Variants in NBEAL2 observed in about 807,000 individuals in gnomAD.
NBEAL2 encodes neurobeachin like 2, also known as neurobeachin-like protein 2.
Under a neutral mutation model 299.8 loss-of-function variants are expected in NBEAL2, and 160 were observed. That is an observed-to-expected ratio of 0.53 (90% CI 0.47 to 0.61). The LOEUF is 0.61. Among genes scored for constraint, NBEAL2 ranks in the 20% least tolerant of loss-of-function variants. The probability of loss-of-function intolerance (pLI) is 0.00; values close to 1 mark genes in which losing one functional copy is unlikely to be tolerated. For missense variants in NBEAL2, 3,112 were observed against 3,649.0 expected (o/e 0.85, Z 3.79); for synonymous variants, 1,493 against 1,542.3 (o/e 0.97, Z 0.75).
At chr3:46,997,467 G>T in intron 19 of NBEAL2, 34 bp downstream of exon 19, 1 of 1,598,658 alleles carries the variant, frequency 6.3e-7, no homozygotes, top group Non-Finnish European at 8.6e-7. Context: ...TGTGGAGAGG[G>T]AATCTTGGCA....
Position 46,989,647 on chromosome 3 carries a change from C to A in NBEAL2, c.556+54C>A. The A allele has an allele frequency of 3.4e-6, 5 of 1,467,428 alleles. No homozygotes were observed. The highest frequency in any genetic ancestry group is 1.9e-4 in the Middle Eastern group (1 of 5,260). The allele number at this position is 1,467,428 out of a possible 1,614,324, so 90.9% of individuals were successfully genotyped here. A position where few individuals can be genotyped will look rare whatever the true frequency, so the allele number is the denominator to read the frequency against. On this transcript the variant is annotated intron_variant, in intron 6 of 53. Coordinates refer to ENST00000450053, the MANE Select transcript of NBEAL2 (RefSeq NM_015175.3). This position sits in a 1 kb window ranked among gnomAD's most constrained non-coding sequence, Gnocchi z 5.5. ...CTCCACCCCCAAACCTAGGCCCCTT[C>A]CTGTCGTTCCTTGATCCTGCCATAC... is the stretch of plus-strand genomic sequence containing the variant.
Position 47,000,176 on chromosome 3 carries a change from C to T in NBEAL2, c.4077C>T (p.Gly1359=). The part of the protein sequence containing the change: ...LSPFCTPFDL[G]LERSSVGSGN... ...CATTCTGCACGCCCTTTGACCTGGG[C>T]CTGGAACGGTCTAGTGTAGGATCAG... The change falls in exon 27 of 54, where the codon GGC becomes GGT. Residue 1359 remains glycine (G), a synonymous_variant. Transcript: ENST00000450053. The surrounding 1 kb of genome is among the most constrained non-coding windows in gnomAD (Gnocchi z 4.5). 1 of 1,613,850 alleles carries T rather than the reference C, an allele frequency of 6.2e-7. No individual in the cohort carries two copies. Among genetic ancestry groups the T allele is most frequent in the Non-Finnish European group, 8.5e-7 (1 of 1,179,882 alleles).
chr3:46,997,314 T>G lies in NBEAL2; in HGVS notation c.2705T>G (p.Val902Gly). ...GCCCTGCTGCCCCTGCTGGAGCGAG[T>G]AGCTGCACAGCCCAAAGAGGCTGAA... ...MGALLPLLER[V>G]AAQPKEAEAG... The change falls in exon 19 of 54, where the codon GTA (valine) becomes GGA (glycine). Residue 902 changes from valine to glycine, a missense_variant. This residue lies in a region of NBEAL2 where 2,243 missense variants were observed against 2,538.1 expected (regional missense o/e 0.88). Transcript: ENST00000450053. The G allele has an allele frequency of 6.2e-7, 1 of 1,612,814 alleles. No individual in the cohort carries two copies. The highest frequency in any genetic ancestry group is 1.3e-5 in the African/African-American group (1 of 74,950).
chr3:46,999,136 C>G lies in NBEAL2; in HGVS notation c.3543+19C>G. The G allele has an allele frequency of 6.4e-7, 1 of 1,556,678 alleles. No individual in the cohort carries two copies. The stretch of plus-strand genomic sequence containing the variant: ...CTGCAAGGTACACCCAGCCCACCCC[C>G]TCCCCTGGCATCCCATTCACTGGGG... On this transcript the variant is annotated intron_variant, in intron 24 of 53. Coordinates refer to ENST00000450053, the MANE Select transcript of NBEAL2 (RefSeq NM_015175.3).
In NBEAL2 at chr3:47,007,859, C is replaced by A. The variant is rs369815288; in HGVS notation, c.7551C>A (p.Leu2517=). 3.9e-5 allele frequency: 63 copies of A among 1,613,582 alleles called. No homozygotes were observed. In the Middle Eastern group the frequency reaches 6.6e-4, roughly 17 times the overall value. The change falls in exon 49 of 54, where the codon CTC becomes CTA. Residue 2517 remains leucine, a synonymous_variant. Transcript: ENST00000450053. ...CACTGGACACCTGTGGCATCTACCT[C>A]ATCTCAGGCTCCCGGGACACCACGT... ...CLALDTCGIY[L]ISGSRDTTCM... is the part of the protein sequence containing the mutation.
Position 47,003,214 on chromosome 3 carries a change from T to A in NBEAL2, c.5625T>A (p.Pro1875=). ...CACCCACCGAGGAGGCCTCACTGCC[T>A]CTGGCAGTGACCAAAGAGGCCAAAG... ...PLTPTEEASL[P]LAVTKEAKVS... Residue 1875 remains proline, a synonymous_variant, in exon 35 of 54, where the codon CCT becomes CCA. Coordinates refer to ENST00000450053, the MANE Select transcript of NBEAL2 (RefSeq NM_015175.3). The surrounding 1 kb of genome is among the most constrained non-coding windows in gnomAD (Gnocchi z 7.0). 6.2e-7 allele frequency: 1 copy of A among 1,613,030 alleles called. No individual in the cohort carries two copies.
chr3:47,006,572 A>T, intron 45 of NBEAL2, 123 bp downstream of exon 45: 1 of 946,288 alleles, frequency 1.1e-6, no homozygotes, highest in Non-Finnish European at 1.7e-6. Context: ...GGCACCTTAG[A>T]AAATGAGCTA....
At chr3:47,008,865 A>G in intron 52 of NBEAL2, 124 bp from the exon 53 acceptor site, 1 of 1,476,504 alleles carries the variant, frequency 6.8e-7, no homozygotes, top group South Asian at 1.2e-5. Flanking sequence ...TTCTTTGTGT[A>G]TAAGAATTTC....
Position 46,999,385 on chromosome 3 carries a change from G to T in NBEAL2, c.3614G>T (p.Cys1205Phe). The T allele has an allele frequency of 6.2e-7, 1 of 1,606,136 alleles. No homozygotes were observed. Among genetic ancestry groups the T allele is most frequent in the Non-Finnish European group, 8.5e-7 (1 of 1,177,084 alleles). ...RSRQRLRLRE[C>F]GLQGLVACLP... is the part of the protein sequence containing the mutation. ...CGCCAGCGCCTCCGGCTGCGGGAGT[G>T]TGGTCTCCAGGGTCTGGTTGCCTGC... Residue 1205 changes from cysteine to phenylalanine, a missense_variant, in exon 25 of 54, where the codon TGT (cysteine) becomes TTT (phenylalanine). Cys to Phe is a radical substitution (Grantham distance 205). This residue lies in a region of NBEAL2 where 2,243 missense variants were observed against 2,538.1 expected (regional missense o/e 0.88). Transcript: ENST00000450053.
intron 1 of NBEAL2, among the ~76,000 whole-genome samples, chr3:46,987,500 AGCAGATACGG>A (rs1178056611): frequency 6.6e-6 from 1 of 152,206 alleles, no homozygotes; most frequent in East Asian, 1.9e-4. Flanking sequence ...TAGAGATTAG[AGCAGATACGG>A]GCTAGGCTAG....
At chr3:47,006,521 G>A (rs763495699) in intron 45 of NBEAL2, 72 bp downstream of exon 45, 14 of 1,375,400 alleles carry the variant, frequency 1.0e-5, no homozygotes, top group Admixed American at 3.9e-5. Flanking sequence ...TACCAACCAC[G>A]TGGGGCAGAT....
chr3:47,002,690 C>T lies in NBEAL2; in HGVS notation c.5347C>T (p.Leu1783=). Reference sequence around the variant, plus strand: ...GCAGAGGCGGGCGCGCCTGGAGGGGCTACGCTACACGGCAGTGCTGAAGCA... The same window carrying T: ...GCAGAGGCGGGCGCGCCTGGAGGGGTTACGCTACACGGCAGTGCTGAAGCA... ...PAQRRARLEG[L]RYTAVLKQQA... Residue 1783 remains leucine (L), a synonymous_variant, in exon 33 of 54, where the codon CTA becomes TTA. Coordinates refer to ENST00000450053, the MANE Select transcript of NBEAL2 (RefSeq NM_015175.3). 1 of 1,604,054 alleles carries T rather than the reference C, an allele frequency of 6.2e-7. No individual in the cohort carries two copies. The highest frequency in any genetic ancestry group is 8.5e-7 in the Non-Finnish European group (1 of 1,177,116).
At chr3:47,005,915 C>G (rs775750763) in intron 42 of NBEAL2, 31 bp from the exon 43 acceptor site, 1 of 1,612,478 alleles carries the variant, frequency 6.2e-7, no homozygotes, top group South Asian at 1.1e-5. Context: ...GTCAGCTGTC[C>G]CTGCACTGAT....
chr3:46,992,001 C>G, intron 9 of NBEAL2, 55 bp downstream of exon 9: 1 of 1,434,182 alleles, frequency 7.0e-7, no homozygotes, highest in Non-Finnish European at 9.6e-7. Flanking sequence ...CTAGGGGAGC[C>G]ACGCATAGGT....
At position 47,002,650 on chromosome 3, in the gene NBEAL2, G is replaced by C. The variant is rs1423180559; in HGVS notation, c.5307G>C (p.Leu1769=). 2 of 1,609,488 alleles carry C rather than the reference G, an allele frequency of 1.2e-6. No homozygotes were observed. The highest frequency in any genetic ancestry group is 1.7e-6 in the Non-Finnish European group (2 of 1,178,938). The stretch of plus-strand genomic sequence containing the variant: ...ACCTATTACCCCCACCCCAGGAGCT[G>C]GTGCTGGAACCTGCGCAGAGGCGGG... The part of the protein sequence containing the change: ...RAQSRRAFQE[L]VLEPAQRRAR... Residue 1769 remains leucine, a synonymous_variant, in exon 33 of 54, where the codon CTG becomes CTC. Transcript: ENST00000450053.
Position 47,003,668 on chromosome 3 carries a change from G to C in NBEAL2, c.5721-148G>C. 9.0e-7 allele frequency: 1 copy of C among 1,109,014 alleles called. No homozygotes were observed. Among genetic ancestry groups the C allele is most frequent in the East Asian group, 2.6e-5 (1 of 37,950 alleles). 68.7% of individuals were successfully genotyped at this position (1,109,014 alleles called of 1,614,324 possible). A position where few individuals can be genotyped will look rare whatever the true frequency, so the allele number is the denominator to read the frequency against. On this transcript the variant is annotated intron_variant, in intron 35 of 53. Coordinates refer to ENST00000450053, the MANE Select transcript of NBEAL2 (RefSeq NM_015175.3). The surrounding 1 kb of genome is among the most constrained non-coding windows in gnomAD (Gnocchi z 7.0). ...AGGTGGGGGACAGGGGCTGGGACCA[G>C]TAGGTTCTGGACCCTAGGCAGCCCC... is the stretch of plus-strand genomic sequence containing the variant.
Position 46,988,629 on chromosome 3 carries a change from C to A in NBEAL2, c.52-40C>A. 1 of 1,559,114 alleles carries A rather than the reference C, an allele frequency of 6.4e-7. No homozygotes were observed. Among genetic ancestry groups the A allele is most frequent in the South Asian group, 1.1e-5 (1 of 89,862 alleles). ...TTGTCCCTGCCCTGTTTACTGCATC[C>A]CTCCTGCCCCCCACCACTGTTCCCC... On this transcript the variant is annotated intron_variant, in intron 1 of 53. Transcript: ENST00000450053. This position sits in a 1 kb window ranked among gnomAD's most constrained non-coding sequence, Gnocchi z 4.4.
chr3:46,995,793 A>C lies in NBEAL2; in HGVS notation c.1978A>C (p.Lys660Gln), dbSNP rs768235820. The change falls in exon 14 of 54, where the codon AAG becomes CAG. Residue 660 changes from lysine to glutamine, a missense_variant. Around this residue, in one of 3 missense-constraint regions of NBEAL2, gnomAD observed 2,243 missense variants for 2,538.1 expected, o/e 0.88. Coordinates refer to ENST00000450053, the MANE Select transcript of NBEAL2 (RefSeq NM_015175.3). ...CCTGGTGGTGGCTGTGTGCACACGG[A>C]AGGAGTATTTGACCATGAGTTTGCC... ...GTLVVAVCTR[K>Q]EYLTMSLPEV... 1 of 1,613,768 alleles carries C rather than the reference A, an allele frequency of 6.2e-7. No homozygotes were observed. Among genetic ancestry groups the C allele is most frequent in the South Asian group, 1.1e-5 (1 of 91,082 alleles).
rs1251643677 is a variant in NBEAL2 at position 47,005,826 on chromosome 3, C to A, written c.6780C>A (p.Ile2260=). 6.2e-7 allele frequency: 1 copy of A among 1,613,376 alleles called. No homozygotes were observed. The highest frequency in any genetic ancestry group is 8.5e-7 in the Non-Finnish European group (1 of 1,179,854). Residue 2260 remains isoleucine (I), a synonymous_variant, in exon 42 of 54, where the codon ATC becomes ATA. Coordinates refer to ENST00000450053, the MANE Select transcript of NBEAL2 (RefSeq NM_015175.3). ...PPWASSPEDF[I]QQHRQALESE... Reference sequence around the variant, plus strand: ...GGGCCAGCTCTCCTGAGGACTTCATCCAGCAGCACCGCCAGGCTCTGGTGA... The same window carrying A: ...GGGCCAGCTCTCCTGAGGACTTCATACAGCAGCACCGCCAGGCTCTGGTGA...
Sources: allele counts gnomAD v4.1 joint callset (sites outside exome capture counted in the v4.1 genomes callset), GRCh38; gene constraint gnomAD v4.1.1; regional missense constraint gnomAD v4.1.1; non-coding constraint Gnocchi (gnomAD v3.1); transcripts MANE v1.5; gene names NCBI Gene and HGNC (gene_info 2026-07-23, HGNC 2026-07-21).